Variants in KRTAP4-5 observed in about 807,000 individuals in gnomAD.
KRTAP4-5 encodes keratin-associated protein 4-5.
For missense variants in KRTAP4-5, 199 were observed against 233.7 expected, an observed-to-expected ratio of 0.85 and a Z score of 0.97; for synonymous variants, 73 against 83.6, an observed-to-expected ratio of 0.87 and a Z score of 0.69.
At position 41,149,770 on chromosome 17, in the gene KRTAP4-5, T is replaced by A. The variant is rs2014816338; in HGVS notation, c.-3A>T. On this transcript the variant is annotated 5_prime_UTR_variant, in exon 1 of 1. Transcript: ENST00000343246. ...GAGCCACAACAGGAGCTGACCATGG[T>A]GTCAGAGGGTGGAGGTTCTGGGTGG... 7.5e-6 allele frequency: 12 copies of A among 1,601,146 alleles called. No individual in the cohort carries two copies. Among genetic ancestry groups the A allele is most frequent in the Non-Finnish European group, 1.0e-5 (12 of 1,172,420 alleles).
chr17:41,149,658 C>A lies in KRTAP4-5; in HGVS notation c.110G>T (p.Arg37Leu). Residue 37 changes from arginine (R) to leucine (L), a missense_variant, in exon 1 of 1, where the codon CGC (arginine) becomes CTC (leucine). Physicochemically the swap from Arg to Leu is moderately radical, Grantham distance 102 (BLOSUM62 -2). Coordinates refer to ENST00000343246, the MANE Select transcript of KRTAP4-5 (RefSeq NM_033188.4). ...QTTCCRTTCCRPSCCKPQCCQ... is the reference protein window; with the variant it reads ...QTTCCRTTCCLPSCCKPQCCQ... ...GCACTGGGGCTTGCAGCAGCTGGGG[C>A]GGCAGCAGGTGGTCCTGCAGCAGGT... The A allele has an allele frequency of 2.5e-6, 4 of 1,613,270 alleles. No individual in the cohort carries two copies. The highest frequency in any genetic ancestry group is 3.4e-6 in the Non-Finnish European group (4 of 1,179,718).
Position 41,149,408 on chromosome 17 carries a change from G to C in KRTAP4-5, c.360C>G (p.Cys120Trp). The C allele has an allele frequency of 1.2e-6, 2 of 1,613,302 alleles. No homozygotes were observed. Among genetic ancestry groups the C allele is most frequent in the Non-Finnish European group, 1.7e-6 (2 of 1,179,548 alleles). The change falls in exon 1 of 1, where the codon TGC (cysteine) becomes TGG (tryptophan). Residue 120 changes from cysteine (C) to tryptophan (W), a missense_variant. Cys to Trp is a radical substitution (Grantham distance 215). Coordinates refer to ENST00000343246, the MANE Select transcript of KRTAP4-5 (RefSeq NM_033188.4). ...TGGAGATGCAGCAGCTGGGACGGCAGCAAGTGGGCTGGCAGCACACAGACT... is the reference window on the plus strand; with the variant it reads ...TGGAGATGCAGCAGCTGGGACGGCACCAAGTGGGCTGGCAGCACACAGACT... Reference protein sequence around the residue: ...CCQSVCCQPTCCRPSCCISSC... With the variant: ...CCQSVCCQPTWCRPSCCISSC...
Position 41,149,434 on chromosome 17 carries a change from G to GGCA in KRTAP4-5, c.331_333dup (p.Cys111dup). The GGCA allele has an allele frequency of 6.2e-7, 1 of 1,613,170 alleles. No individual in the cohort carries two copies. Among genetic ancestry groups the GGCA allele is most frequent in the Non-Finnish European group, 8.5e-7 (1 of 1,179,836 alleles). ...CAAGTGGGCTGGCAGCACACAGACT[G>GGCA]GCAGCACTGGGGTCTGCAGCAGCTG... On this transcript the variant is annotated inframe_insertion, in exon 1 of 1. Coordinates refer to ENST00000343246, the MANE Select transcript of KRTAP4-5 (RefSeq NM_033188.4).
At position 41,149,820 on chromosome 17, in the gene KRTAP4-5, A is replaced by C; in HGVS notation, c.-53T>G. On this transcript the variant is annotated 5_prime_UTR_variant, in exon 1 of 1. Coordinates refer to ENST00000343246, the MANE Select transcript of KRTAP4-5 (RefSeq NM_033188.4). Reference sequence around the variant, plus strand: ...GATTTCTAGAAGAATGAGGTTCTCAAGTTTGGAAGTGTCCTTGGGCCACAG... The same window carrying C: ...GATTTCTAGAAGAATGAGGTTCTCACGTTTGGAAGTGTCCTTGGGCCACAG... The C allele has an allele frequency of 1.9e-6, 3 of 1,552,024 alleles. No homozygotes were observed. The South Asian group carries it at 3.8e-5, about 19-fold the overall frequency.
rs411367 is a variant in KRTAP4-5 at position 41,149,533 on chromosome 17, A to T, written c.235T>A (p.Cys79Ser). 9.1e-3 allele frequency: 7,898 copies of T among 871,906 alleles called. 2 individuals carry two copies. The highest frequency in any genetic ancestry group is 0.013 in the Middle Eastern group (36 of 2,688). The allele number at this position is 871,906 out of a possible 1,614,324, so 54.0% of individuals were successfully genotyped here. A position where few individuals can be genotyped will look rare whatever the true frequency, so the allele number is the denominator to read the frequency against. ...CTGCAGCAGGTGGTCTGGCAGCAGC[A>T]GGGGCGGCAGCAGCTGGATTCACAG... ...YCCESSCCRPCCCQTTCCRTT... is the reference protein window; with the variant it reads ...YCCESSCCRPSCCQTTCCRTT... The change falls in exon 1 of 1, where the codon TGC (cysteine) becomes AGC (serine). Residue 79 changes from cysteine to serine, a missense_variant. Physicochemically the swap from Cys to Ser is moderately radical, Grantham distance 112. Transcript: ENST00000343246.
chr17:41,149,421 C>G lies in KRTAP4-5; in HGVS notation c.347G>C (p.Cys116Ser). ...GCTGGGACGGCAGCAAGTGGGCTGG[C>G]AGCACACAGACTGGCAGCACTGGGG... is the stretch of plus-strand genomic sequence containing the variant. The part of the protein sequence containing the change: ...CRPQCCQSVC[C>S]QPTCCRPSCC... Residue 116 changes from cysteine (C) to serine (S), a missense_variant, in exon 1 of 1, where the codon TGC becomes TCC. Transcript: ENST00000343246. 1 of 1,611,062 alleles carries G rather than the reference C, an allele frequency of 6.2e-7. No homozygotes were observed. Among genetic ancestry groups the G allele is most frequent in the Non-Finnish European group, 8.5e-7 (1 of 1,178,986 alleles).
chr17:41,149,794 G>A lies in KRTAP4-5; in HGVS notation c.-27C>T. The A allele has an allele frequency of 6.3e-7, 1 of 1,577,880 alleles. No homozygotes were observed. Among genetic ancestry groups the A allele is most frequent in the South Asian group, 1.2e-5 (1 of 84,324 alleles). On this transcript the variant is annotated 5_prime_UTR_variant, in exon 1 of 1. Coordinates refer to ENST00000343246, the MANE Select transcript of KRTAP4-5 (RefSeq NM_033188.4). ...GTGTCAGAGGGTGGAGGTTCTGGGTGGATTTCTAGAAGAATGAGGTTCTCA... is the reference window on the plus strand; with the variant it reads ...GTGTCAGAGGGTGGAGGTTCTGGGTAGATTTCTAGAAGAATGAGGTTCTCA...
At position 41,149,793 on chromosome 17, in the gene KRTAP4-5, TG is replaced by T; in HGVS notation, c.-27del. On this transcript the variant is annotated 5_prime_UTR_variant, in exon 1 of 1. Coordinates refer to ENST00000343246, the MANE Select transcript of KRTAP4-5 (RefSeq NM_033188.4). ...GGTGTCAGAGGGTGGAGGTTCTGGG[TG>T]GATTTCTAGAAGAATGAGGTTCTCA... 6.3e-7 allele frequency: 1 copy of T among 1,579,356 alleles called. No individual in the cohort carries two copies. Among genetic ancestry groups the T allele is most frequent in the East Asian group, 2.2e-5 (1 of 44,590 alleles).
In KRTAP4-5 at chr17:41,149,610, G is replaced by A. The variant is rs1453182834; in HGVS notation, c.158C>T (p.Pro53Leu). The A allele has an allele frequency of 3.1e-6, 5 of 1,612,758 alleles. No individual in the cohort carries two copies. Among genetic ancestry groups the A allele is most frequent in the Non-Finnish European group, 4.2e-6 (5 of 1,179,630 alleles). ...GCAGCAGCTAGGGTGGCAGCAGGTG[G>A]GCTGGTAGCACACAGACTGGCAGCA... ...PQCCQSVCYQ[P>L]TCCHPSCCIS... Residue 53 changes from proline (P) to leucine (L), a missense_variant, in exon 1 of 1, where the codon CCC (proline) becomes CTC (leucine). Pro to Leu is a moderately conservative substitution (Grantham distance 98). Coordinates refer to ENST00000343246, the MANE Select transcript of KRTAP4-5 (RefSeq NM_033188.4).
Position 41,149,546 on chromosome 17 carries a change from G to T in KRTAP4-5, c.222C>A (p.Ser74Arg), listed in dbSNP as rs756769286. Reference protein sequence around the residue: ...SCCRPYCCESSCCRPCCCQTT... With the variant: ...SCCRPYCCESRCCRPCCCQTT... ...TCTGGCAGCAGCAGGGGCGGCAGCA[G>T]CTGGATTCACAGCAATAGGGGCGGC... The change falls in exon 1 of 1, where the codon AGC becomes AGA. Residue 74 changes from serine to arginine, a missense_variant. Transcript: ENST00000343246. 2 of 1,517,454 alleles carry T rather than the reference G, an allele frequency of 1.3e-6. No homozygotes were observed. The highest frequency in any genetic ancestry group is 2.8e-5 in the African/African-American group (2 of 70,916). 94.0% of individuals were successfully genotyped at this position (1,517,454 alleles called of 1,614,324 possible).
chr17:41,149,277 G>T lies in KRTAP4-5; in HGVS notation c.491C>A (p.Thr164Asn), dbSNP rs1271238407. Residue 164 changes from threonine (T) to asparagine (N), a missense_variant, in exon 1 of 1, where the codon ACC becomes AAC. By Grantham distance (65) the Thr-to-Asn change is moderately conservative. Coordinates refer to ENST00000343246, the MANE Select transcript of KRTAP4-5 (RefSeq NM_033188.4). Reference sequence around the variant, plus strand: ...GCGGGGGCAGGTGGAGATGACACAGGTTGGGCGATAGCAAGTGGTGTGGCA... The same window carrying T: ...GCGGGGGCAGGTGGAGATGACACAGTTTGGGCGATAGCAAGTGGTGTGGCA... ...VSCHTTCYRP[T>N]CVISTCPRPL... is the part of the protein sequence containing the mutation. 9.9e-6 allele frequency: 16 copies of T among 1,610,512 alleles called. No individual in the cohort carries two copies. Among genetic ancestry groups the T allele is most frequent in the Admixed American group, 1.7e-5 (1 of 59,318 alleles).
At position 41,148,981 on chromosome 17, in the gene KRTAP4-5, T is replaced by C; in HGVS notation, c.*241A>G. ...ACAATATTATATGAGATCATCACAG[T>C]TAGTGTCCCCTTCGAATGAAGACAC... is the stretch of plus-strand genomic sequence containing the variant. On this transcript the variant is annotated 3_prime_UTR_variant, in exon 1 of 1. Coordinates refer to ENST00000343246, the MANE Select transcript of KRTAP4-5 (RefSeq NM_033188.4). The C allele has an allele frequency of 1.4e-6, 1 of 698,104 alleles. No individual in the cohort carries two copies. Among genetic ancestry groups the C allele is most frequent in the Non-Finnish European group, 2.4e-6 (1 of 418,278 alleles). 43.2% of individuals were successfully genotyped at this position (698,104 alleles called of 1,614,324 possible).
In KRTAP4-5 at chr17:41,149,541, C is replaced by T. The variant is rs1371643465; in HGVS notation, c.227G>A (p.Cys76Tyr). The T allele has an allele frequency of 1.3e-6, 2 of 1,517,644 alleles. No homozygotes were observed. Among genetic ancestry groups the T allele is most frequent in the South Asian group, 1.3e-5 (1 of 79,180 alleles). 94.0% of individuals were successfully genotyped at this position (1,517,644 alleles called of 1,614,324 possible). A position where few individuals can be genotyped will look rare whatever the true frequency, so the allele number is the denominator to read the frequency against. Residue 76 changes from cysteine to tyrosine, a missense_variant, in exon 1 of 1, where the codon TGC becomes TAC. By Grantham distance (194) the Cys-to-Tyr change is radical. Coordinates refer to ENST00000343246, the MANE Select transcript of KRTAP4-5 (RefSeq NM_033188.4). Reference sequence around the variant, plus strand: ...GGTGGTCTGGCAGCAGCAGGGGCGGCAGCAGCTGGATTCACAGCAATAGGG... The same window carrying T: ...GGTGGTCTGGCAGCAGCAGGGGCGGTAGCAGCTGGATTCACAGCAATAGGG... Reference protein sequence around the residue: ...CRPYCCESSCCRPCCCQTTCC... With the variant: ...CRPYCCESSCYRPCCCQTTCC...
rs1322450813 is a variant in KRTAP4-5 at position 41,149,572 on chromosome 17, A to G, written c.196T>C (p.Cys66Arg). The G allele has an allele frequency of 1.3e-6, 2 of 1,519,040 alleles. No homozygotes were observed. The highest frequency in any genetic ancestry group is 8.9e-7 in the Non-Finnish European group (1 of 1,124,716). The allele number at this position is 1,519,040 out of a possible 1,614,324, so 94.1% of individuals were successfully genotyped here. Residue 66 changes from cysteine to arginine, a missense_variant, in exon 1 of 1, where the codon TGC (cysteine) becomes CGC (arginine). Cys to Arg is a radical substitution (Grantham distance 180). Transcript: ENST00000343246. ...CTGGATTCACAGCAATAGGGGCGGCAGCAGCTGGAGATGCAGCAGCTAGGG... is the reference window on the plus strand; with the variant it reads ...CTGGATTCACAGCAATAGGGGCGGCGGCAGCTGGAGATGCAGCAGCTAGGG... ...CHPSCCISSC[C>R]RPYCCESSCC...
chr17:41,149,547 CTGG>C lies in KRTAP4-5; in HGVS notation c.218_220del (p.Ser73_Ser74delinsCys), dbSNP rs2014810691. ...CTGGCAGCAGCAGGGGCGGCAGCAGCTGGATTCACAGCAATAGGGGCGGCAGCA... is the reference window on the plus strand; with the variant it reads ...CTGGCAGCAGCAGGGGCGGCAGCAGCATTCACAGCAATAGGGGCGGCAGCA... On this transcript the variant is annotated inframe_deletion, in exon 1 of 1. Coordinates refer to ENST00000343246, the MANE Select transcript of KRTAP4-5 (RefSeq NM_033188.4). 1.3e-6 allele frequency: 2 copies of C among 1,505,426 alleles called. No homozygotes were observed. Among genetic ancestry groups the C allele is most frequent in the African/African-American group, 1.5e-5 (1 of 68,822 alleles). The allele number at this position is 1,505,426 out of a possible 1,614,324, so 93.3% of individuals were successfully genotyped here.
At chr17:41,149,562 TA>T in the KRTAP4-5 span, 3 of 1,344,192 alleles carry the variant, frequency 2.2e-6, no homozygotes, top group Non-Finnish European at 1.9e-6. Flanking sequence ...TTCACAGCAA[TA>T]GGGGCGGCAG....
In KRTAP4-5 at chr17:41,149,800, C is replaced by G. The variant is rs763177853; in HGVS notation, c.-33G>C. 6.4e-7 allele frequency: 1 copy of G among 1,573,336 alleles called. No individual in the cohort carries two copies. Among genetic ancestry groups the G allele is most frequent in the Non-Finnish European group, 8.6e-7 (1 of 1,159,268 alleles). Reference sequence around the variant, plus strand: ...GAGGGTGGAGGTTCTGGGTGGATTTCTAGAAGAATGAGGTTCTCAAGTTTG... The same window carrying G: ...GAGGGTGGAGGTTCTGGGTGGATTTGTAGAAGAATGAGGTTCTCAAGTTTG... On this transcript the variant is annotated 5_prime_UTR_variant, in exon 1 of 1. Transcript: ENST00000343246.
chr17:41,149,522 CT>C, the KRTAP4-5 span: 1 of 691,354 alleles, frequency 1.4e-6, no homozygotes, highest in African/African-American at 3.8e-5. Context: ...AGCAGGTGGT[CT>C]GGCAGCAGCA....
chr17:41,149,148 T>A lies in KRTAP4-5; in HGVS notation c.*74A>T. On this transcript the variant is annotated 3_prime_UTR_variant, in exon 1 of 1. Coordinates refer to ENST00000343246, the MANE Select transcript of KRTAP4-5 (RefSeq NM_033188.4). ...GGCAGGGAAGTGTTCATTTTTCCAG[T>A]GACTGGCTGGCTACAGTGCATTTTA... 1 of 1,487,984 alleles carries A rather than the reference T, an allele frequency of 6.7e-7. No individual in the cohort carries two copies. The allele number at this position is 1,487,984 out of a possible 1,614,324, so 92.2% of individuals were successfully genotyped here.
Sources: allele counts gnomAD v4.1 joint callset, GRCh38; gene constraint gnomAD v4.1.1; transcripts MANE v1.5; gene names NCBI Gene and HGNC (gene_info 2026-07-23, HGNC 2026-07-21).